ZDHHC16: variants seen among roughly 807,000 people sequenced by gnomAD.
ZDHHC16 encodes the protein zDHHC palmitoyltransferase 16.
A neutral mutation model predicts 54.4 loss-of-function variants in ZDHHC16; 33 were observed. The ratio of observed to expected loss-of-function variants is 0.61; its 90% CI spans 0.46 to 0.81. ZDHHC16 has a LOEUF of 0.81. ZDHHC16 is among the 30% of genes least tolerant of loss of function. The pLI is 0.00. For synonymous variants in ZDHHC16, 185 were observed against 182.1 expected, an observed-to-expected ratio of 1.02 and a Z score of -0.13; for missense variants, 420 against 485.9, an observed-to-expected ratio of 0.86 and a Z score of 1.28.
At position 97,451,892 on chromosome 10, in the gene ZDHHC16, GACA is replaced by G. The variant is rs1846659241; in HGVS notation, c.220_222del (p.Asn74del). ...CTTTGAGCCTGTCTACTGGCTGGTA[GACA>G]ACGTGATCCGCTGGTTTGGAGTGGT... On this transcript the variant is annotated inframe_deletion, in exon 3 of 12. Coordinates refer to ENST00000393760, the MANE Select transcript of ZDHHC16 (RefSeq NM_198046.3). 6.2e-7 allele frequency: 1 copy of G among 1,613,474 alleles called. No individual in the cohort carries two copies. Among genetic ancestry groups the G allele is most frequent in the Non-Finnish European group, 8.5e-7 (1 of 1,179,650 alleles).
intron 9 of ZDHHC16, 31 bp downstream of exon 9, chr10:97,454,830 G>T: frequency 3.1e-6 from 5 of 1,607,626 alleles, no homozygotes; most frequent in Non-Finnish European, 4.3e-6. Flanking sequence ...TAAGGGAGGG[G>T]AAGCTTCAGA....
intron 1 of ZDHHC16, among the ~76,000 whole-genome samples, chr10:97,446,687 C>T (rs1304953706): frequency 3.9e-5 from 6 of 152,230 alleles, no homozygotes; most frequent in Non-Finnish European, 1.5e-5. Context: ...AGTTTCACCT[C>T]GCGGCTGTCA....
At chr10:97,456,093 A>G (rs1847157042) in intron 11 of ZDHHC16, 49 bp downstream of exon 11, 2 of 1,594,038 alleles carry the variant, frequency 1.3e-6, no homozygotes, top group Non-Finnish European at 1.7e-6. Context: ...CACTGTGATG[A>G]GAAAGATGTT....
intron 1 of ZDHHC16, among the ~76,000 whole-genome samples, chr10:97,448,947 C>G (rs1421975333): frequency 6.6e-6 from 1 of 152,136 alleles, no homozygotes; most frequent in Non-Finnish European, 1.5e-5. Context: ...AATCCCTCCG[C>G]AGATATGGGG....
chr10:97,456,738 A>G (rs1278882196), intron 11 of ZDHHC16, 39 bp from the exon 12 acceptor site: 1 of 1,481,696 alleles, frequency 6.7e-7, no homozygotes. Context: ...AAGGACCAAG[A>G]ATTCTTGAAC....
intron 9 of ZDHHC16, 109 bp downstream of exon 9, chr10:97,454,908 T>C (rs567459506): frequency 1.1e-6 from 1 of 925,424 alleles, no homozygotes; most frequent in South Asian, 1.5e-5. Context: ...ACTGCTCTAG[T>C]CTAACTTAGG....
intron 1 of ZDHHC16, among the ~76,000 whole-genome samples, chr10:97,447,069 T>C (rs11189224): frequency 0.23 from 34,699 of 152,122 alleles, 4,104 homozygotes; most frequent in East Asian, 0.34. Flanking sequence ...TCGCGGCCCC[T>C]CATCCCCACT....
rs767745708 is a variant in ZDHHC16, at chr10:97,454,739, C to G, written c.764C>G (p.Thr255Ser). ...NQTYHQTPPP[T>S]FSFRERMTHK... ...ACTTATCACCAGACCCCACCACCCA[C>G]CTTCTCCTTTCGAGAAAGGATGACT... Residue 255 changes from threonine (T) to serine (S), a missense_variant, in exon 9 of 12, where the codon ACC (threonine) becomes AGC (serine). Thr to Ser is a moderately conservative substitution (Grantham distance 58). Transcript: ENST00000393760. The G allele has an allele frequency of 6.2e-7, 1 of 1,614,216 alleles. No homozygotes were observed. The highest frequency in any genetic ancestry group is 8.5e-7 in the Non-Finnish European group (1 of 1,180,040).
At chr10:97,447,934 A>G (rs192511496) in intron 1 of ZDHHC16, among the ~76,000 whole-genome samples, 3 of 152,222 alleles carry the variant, frequency 2.0e-5, no homozygotes, top group Non-Finnish European at 2.9e-5. Flanking sequence ...AAAAAAAAAA[A>G]AAAAGAAAAG....
chr10:97,456,117 C>A, intron 11 of ZDHHC16, 73 bp downstream of exon 11: 1 of 1,489,426 alleles, frequency 6.7e-7, no homozygotes, highest in Non-Finnish European at 9.3e-7. Context: ...TGCCTGTGAG[C>A]ACTTGGAATA....
At chr10:97,451,430 T>G (rs1462139481) in intron 2 of ZDHHC16, among the ~76,000 whole-genome samples, 1 of 152,232 alleles carries the variant, frequency 6.6e-6, no homozygotes, top group Non-Finnish European at 1.5e-5. Flanking sequence ...GTGGTGTAAT[T>G]TAAGTACAAT....
chr10:97,448,169 A>G (rs1273262385), intron 1 of ZDHHC16: 1 of 152,206 alleles, frequency 6.6e-6, no homozygotes, highest in East Asian at 1.9e-4. Flanking sequence ...AACAGTTTGT[A>G]TTTCTCTCTT....
Position 97,449,932 on chromosome 10 carries a change from C to T in ZDHHC16, c.-185-425C>T, listed in dbSNP as rs534851544. ...CAGGCCGGACTGCGGACTGCAGTGG[C>T]GCAATCTCGGCTCACTGCAAGCTCC... On this transcript the variant is annotated intron_variant, in intron 1 of 11. Coordinates refer to ENST00000393760, the MANE Select transcript of ZDHHC16 (RefSeq NM_198046.3). Among the ~76,000 whole-genome samples, 7 of 127,130 alleles carry T rather than the reference C, an allele frequency of 5.5e-5. No individual in the cohort carries two copies. In the South Asian group the frequency reaches 1.5e-3, roughly 28 times the overall value. 83.4% of individuals were successfully genotyped at this position (127,130 alleles called of 152,430 possible).
chr10:97,447,836 T>C (rs1402317565), intron 1 of ZDHHC16, among the ~76,000 whole-genome samples: 1 of 152,052 alleles, frequency 6.6e-6, no homozygotes, highest in Non-Finnish European at 1.5e-5. Context: ...GGCAGGAGAA[T>C]TGCTTGAACC....
intron 5 of ZDHHC16, 111 bp from the exon 6 acceptor site, chr10:97,452,784 A>G: frequency 2.1e-6 from 3 of 1,453,718 alleles, no homozygotes; most frequent in Non-Finnish European, 2.9e-6. Context: ...CTGTCTTCAA[A>G]GTCTGTGCCC....
chr10:97,456,095 A>C (rs776208567), intron 11 of ZDHHC16, 51 bp downstream of exon 11: 46 of 1,587,950 alleles, frequency 2.9e-5, no homozygotes, highest in Non-Finnish European at 3.5e-5. Flanking sequence ...CTGTGATGAG[A>C]AAGATGTTCT....
intron 9 of ZDHHC16, among the ~76,000 whole-genome samples, chr10:97,455,072 GCTGGGTGA>G (rs1847039088): frequency 6.6e-6 from 1 of 152,176 alleles, no homozygotes; most frequent in Non-Finnish European, 1.5e-5. Context: ...CTGTCTAAAG[GCTGGGTGA>G]CTGTATTTAT....
chr10:97,448,171 TTCTC>T (rs1846278904), intron 1 of ZDHHC16: 1 of 152,266 alleles, frequency 6.6e-6, no homozygotes, highest in Non-Finnish European at 1.5e-5. Context: ...CAGTTTGTAT[TTCTC>T]TCTTTATGAA....
chr10:97,454,458 G>T (rs1168570823), intron 8 of ZDHHC16, among the ~76,000 whole-genome samples: 2 of 152,160 alleles, frequency 1.3e-5, no homozygotes, highest in Non-Finnish European at 2.9e-5. Flanking sequence ...CATTTGTGTT[G>T]TCACTCTACA....
Sources: allele counts gnomAD v4.1 joint callset (sites outside exome capture counted in the v4.1 genomes callset), GRCh38; gene constraint gnomAD v4.1.1; transcripts MANE v1.5; gene names NCBI Gene and HGNC (gene_info 2026-07-23, HGNC 2026-07-21).